Variants in CSMD1 observed in about 807,000 individuals in gnomAD.
The protein encoded by CSMD1 is CUB and Sushi multiple domains 1.
CSMD1 carries 213 observed loss-of-function variants against 417.5 expected under a neutral mutation model. The ratio of observed to expected loss-of-function variants is 0.51; its 90% CI spans 0.46 to 0.57. The LOEUF is 0.57. Ranked by LOEUF, CSMD1 falls within the 20% of genes least tolerant of loss-of-function variation. The pLI, the probability that CSMD1 is intolerant of heterozygous loss-of-function variation, is 0.00. For missense variants in CSMD1, 6,923 were observed against 4,529.7 expected (o/e 1.53, Z -15.17); for synonymous variants, 2,862 against 1,736.8 (o/e 1.65, Z -16.11).
intron 1 of CSMD1, among the ~76,000 whole-genome samples, chr8:4,815,458 G>C (rs1194241777): frequency 6.6e-6 from 1 of 152,028 alleles, no homozygotes; most frequent in African/African-American, 2.4e-5. Flanking sequence ...CACTTTGGGA[G>C]GCTGAGGTGG....
intron 2 of CSMD1, among the ~76,000 whole-genome samples, chr8:4,552,774 T>C (rs957926965): frequency 1.3e-5 from 2 of 152,118 alleles, no homozygotes; most frequent in South Asian, 2.1e-4. Flanking sequence ...CTCAGAAGGG[T>C]GGTAAAGTGC....
chr8:4,480,958 C>T (rs1725120), intron 2 of CSMD1, among the ~76,000 whole-genome samples: 1 of 152,162 alleles, frequency 6.6e-6, no homozygotes, highest in African/African-American at 2.4e-5. Context: ...TATTAACAGT[C>T]TTCCCCAGGT....
At chr8:4,447,976 G>T (rs560724688) in intron 2 of CSMD1, among the ~76,000 whole-genome samples, 1 of 152,120 alleles carries the variant, frequency 6.6e-6, no homozygotes, top group Non-Finnish European at 1.5e-5. Flanking sequence ...GTACCAAAAA[G>T]CCTCTTGGAA....
chr8:3,995,920 A>AGC (rs1481616306), intron 5 of CSMD1, among the ~76,000 whole-genome samples: 1 of 152,152 alleles, frequency 6.6e-6, no homozygotes, highest in Admixed American at 6.5e-5. Flanking sequence ...ACAGAGAGAG[A>AGC]TTCCAGTGAT....
chr8:3,501,568 G>T (rs1035813579), intron 10 of CSMD1, among the ~76,000 whole-genome samples: 2 of 152,050 alleles, frequency 1.3e-5, no homozygotes, highest in African/African-American at 4.8e-5. Flanking sequence ...GAAATTAATG[G>T]GTTAGAAATG....
At chr8:3,876,611 T>C (rs778681923) in intron 5 of CSMD1, among the ~76,000 whole-genome samples, 1 of 152,174 alleles carries the variant, frequency 6.6e-6, no homozygotes, top group Non-Finnish European at 1.5e-5. Context: ...ATTGTTTTTG[T>C]TTGTTTCTTT....
At chr8:3,870,734 C>T (rs1197191494) in intron 5 of CSMD1, among the ~76,000 whole-genome samples, 1 of 151,924 alleles carries the variant, frequency 6.6e-6, no homozygotes, top group Non-Finnish European at 1.5e-5. Context: ...CTGTTAATGT[C>T]CTATGGCCAT....
chr8:3,518,137 T>C (rs900815845), intron 10 of CSMD1, among the ~76,000 whole-genome samples: 1 of 148,128 alleles, frequency 6.8e-6, no homozygotes, highest in Non-Finnish European at 1.5e-5. Context: ...TAACTATTTC[T>C]AGAAAAAAAA....
chr8:4,891,203 G>C (rs945094384), intron 1 of CSMD1, among the ~76,000 whole-genome samples: 1 of 152,108 alleles, frequency 6.6e-6, no homozygotes, highest in Non-Finnish European at 1.5e-5. Flanking sequence ...ACATGTGACA[G>C]TCACATCTCA....
chr8:3,293,479 C>A (rs575421116), intron 25 of CSMD1, among the ~76,000 whole-genome samples: 6 of 152,156 alleles, frequency 3.9e-5, no homozygotes, highest in African/African-American at 7.2e-5. Flanking sequence ...GACGTAGATT[C>A]GGTCTTTTCA....
At chr8:4,241,845 G>C (rs183313260) in intron 3 of CSMD1, among the ~76,000 whole-genome samples, 17 of 152,194 alleles carry the variant, frequency 1.1e-4, no homozygotes, top group Admixed American at 7.9e-4. Flanking sequence ...CAAGTATGGG[G>C]TGATTTTTAA....
chr8:3,453,745 T>A (rs563177329), intron 12 of CSMD1, among the ~76,000 whole-genome samples: 1 of 152,158 alleles, frequency 6.6e-6, no homozygotes, highest in Non-Finnish European at 1.5e-5. Context: ...TGTGGTCAAT[T>A]TTGGAATAGG....
At chr8:4,509,229 T>C (rs1440946052) in intron 2 of CSMD1, among the ~76,000 whole-genome samples, 2 of 152,126 alleles carry the variant, frequency 1.3e-5, no homozygotes, top group South Asian at 2.1e-4. Context: ...GTTTACTGCA[T>C]ATTAAAGAGA....
At chr8:3,846,308 C>A (rs1303381259) in intron 5 of CSMD1, among the ~76,000 whole-genome samples, 1 of 152,126 alleles carries the variant, frequency 6.6e-6, no homozygotes, top group African/African-American at 2.4e-5. Context: ...TATTCCAGCT[C>A]CATGAGAATC....
intron 25 of CSMD1, among the ~76,000 whole-genome samples, chr8:3,300,303 C>T (rs62504386): frequency 0.084 from 12,706 of 152,084 alleles, 675 homozygotes; most frequent in Non-Finnish European, 0.12. Flanking sequence ...AAAGCTATAT[C>T]ACCTTTTCAA....
chr8:3,280,469 C>CTAAA (rs1802647164), intron 26 of CSMD1, among the ~76,000 whole-genome samples: 1 of 152,118 alleles, frequency 6.6e-6, no homozygotes, highest in Non-Finnish European at 1.5e-5. Flanking sequence ...CAATAAACTT[C>CTAAA]TAAAGACAAT....
chr8:3,037,145 G>C (rs1032693278), intron 50 of CSMD1, among the ~76,000 whole-genome samples: 11 of 152,120 alleles, frequency 7.2e-5, no homozygotes, highest in Non-Finnish European at 1.6e-4. Flanking sequence ...CCCTGCACAA[G>C]ACATTATTTC....
intron 18 of CSMD1, among the ~76,000 whole-genome samples, chr8:3,382,151 CG>C (rs1810669387): frequency 6.6e-6 from 1 of 151,694 alleles, no homozygotes; most frequent in Non-Finnish European, 1.5e-5. Flanking sequence ...CCCGGCTGCT[CG>C]GGAGGCTGAG....
intron 3 of CSMD1, among the ~76,000 whole-genome samples, chr8:4,270,304 T>C (rs141811225): frequency 2.0e-5 from 3 of 152,242 alleles, no homozygotes; most frequent in East Asian, 3.9e-4. Context: ...TCCCAGTCTT[T>C]ATACTGGTTT....
Sources: gnomAD v4.1 joint callset for allele counts (sites outside exome capture counted in the v4.1 genomes callset) on GRCh38, gnomAD v4.1.1 for gene constraint, MANE v1.5 for transcripts, NCBI Gene and HGNC (gene_info 2026-07-23, HGNC 2026-07-21) for gene names.